THSD7A: variants seen among roughly 807,000 people sequenced by gnomAD.
The protein encoded by THSD7A is thrombospondin type-1 domain-containing protein 7A.
A neutral mutation model predicts 231.3 loss-of-function variants in THSD7A; 96 were observed. The ratio of observed to expected loss-of-function variants is 0.41; its 90% CI spans 0.35 to 0.49. THSD7A has a LOEUF of 0.49. Ranked by LOEUF, THSD7A falls within the 20% of genes least tolerant of loss-of-function variation. The pLI, the probability that THSD7A is intolerant of heterozygous loss-of-function variation, is 0.05. For synonymous variants in THSD7A, 940 were observed against 743.3 expected (o/e 1.26, Z -4.30); for missense variants, 2,290 against 2,070.2 (o/e 1.11, Z -2.06).
intron 4 of THSD7A, among the ~76,000 whole-genome samples, chr7:11,577,763 G>C (rs1297939384): frequency 1.3e-5 from 2 of 151,766 alleles, no homozygotes; most frequent in Non-Finnish European, 2.9e-5. Context: ...GGAACAGCGT[G>C]GCATTCCAAG....
chr7:11,621,915 C>A (rs954288486), intron 2 of THSD7A, among the ~76,000 whole-genome samples: 1 of 152,012 alleles, frequency 6.6e-6, no homozygotes, highest in African/African-American at 2.4e-5. Flanking sequence ...AACTAATTTT[C>A]AAATATGTTT....
At chr7:11,567,762 T>G (rs2128333018) in intron 4 of THSD7A, among the ~76,000 whole-genome samples, 1 of 152,300 alleles carries the variant, frequency 6.6e-6, no homozygotes, top group Admixed American at 6.5e-5. Context: ...TTACCTCAAC[T>G]TGGGATTCAC....
chr7:11,688,483 T>A (rs976748517), intron 1 of THSD7A, among the ~76,000 whole-genome samples: 1 of 151,700 alleles, frequency 6.6e-6, no homozygotes, highest in Non-Finnish European at 1.5e-5. Flanking sequence ...ACATTCAAAA[T>A]GAGATGATGC....
chr7:11,411,789 A>C lies in THSD7A; in HGVS notation c.3683-467T>G, dbSNP rs1262307315. Among the ~76,000 whole-genome samples the C allele has an allele frequency of 6.6e-6, 1 of 152,228 alleles. No homozygotes were observed. The highest frequency in any genetic ancestry group is 1.5e-5 in the Non-Finnish European group (1 of 68,032). ...AGAATGCAAGAAAATGCATACGTTT[A>C]TTAAAGTGATAAAAATCACTTTGGC... On this transcript the variant is annotated intron_variant, in intron 18 of 27. Coordinates refer to ENST00000423059, the MANE Select transcript of THSD7A (RefSeq NM_015204.3). This position sits in a 1 kb window ranked among gnomAD's most constrained non-coding sequence, Gnocchi z 4.1.
chr7:11,551,002 T>C (rs557222653), intron 4 of THSD7A, among the ~76,000 whole-genome samples: 19 of 152,120 alleles, frequency 1.2e-4, no homozygotes, highest in Non-Finnish European at 2.6e-4. Context: ...AACAGACACA[T>C]AAATCAATGG....
chr7:11,404,887 G>C (rs1273461750), intron 22 of THSD7A, among the ~76,000 whole-genome samples: 1 of 152,056 alleles, frequency 6.6e-6, no homozygotes, highest in Non-Finnish European at 1.5e-5. Context: ...CGGATCTCTA[G>C]AACTTATTCA....
chr7:11,550,494 T>C (rs184633145), intron 4 of THSD7A, among the ~76,000 whole-genome samples: 1 of 152,136 alleles, frequency 6.6e-6, no homozygotes, highest in African/African-American at 2.4e-5. Context: ...CCCCATGCTA[T>C]TCTCATGATA....
chr7:11,700,735 G>A (rs1343250555), intron 1 of THSD7A, among the ~76,000 whole-genome samples: 2 of 150,958 alleles, frequency 1.3e-5, no homozygotes, highest in Admixed American at 6.6e-5. Context: ...GTTGAGTTCG[G>A]GAATTTATTG....
At chr7:11,782,831 T>A (rs569429404) in intron 1 of THSD7A, among the ~76,000 whole-genome samples, 2 of 152,206 alleles carry the variant, frequency 1.3e-5, no homozygotes, top group Non-Finnish European at 2.9e-5. Context: ...TATTTTGGAA[T>A]ACTTTGTTAT....
chr7:11,417,722 G>GGGGT, intron 16 of THSD7A, 119 bp from the exon 17 acceptor site: 1 of 993,162 alleles, frequency 1.0e-6, no homozygotes, highest in Non-Finnish European at 1.4e-6. Context: ...CATCGTTATG[G>GGGGT]GGGTGGGGAG....
intron 6 of THSD7A, among the ~76,000 whole-genome samples, chr7:11,494,576 T>C (rs766556444): frequency 2.6e-5 from 4 of 152,052 alleles, no homozygotes; most frequent in Non-Finnish European, 5.9e-5. Flanking sequence ...TACTTATGAA[T>C]AGCTACTGTG....
intron 1 of THSD7A, among the ~76,000 whole-genome samples, chr7:11,658,725 C>A (rs1233066517): frequency 1.3e-5 from 2 of 151,636 alleles, no homozygotes; most frequent in African/African-American, 4.8e-5. Flanking sequence ...TCCAGTCTTA[C>A]GTTATTCGAT....
At chr7:11,577,783 T>C (rs1047439282) in intron 4 of THSD7A, among the ~76,000 whole-genome samples, 1 of 152,082 alleles carries the variant, frequency 6.6e-6, no homozygotes, top group South Asian at 2.1e-4. Flanking sequence ...GTTTGAGCAA[T>C]GGTGAAAGTG....
chr7:11,381,410 G>C (rs1262647834), intron 24 of THSD7A, among the ~76,000 whole-genome samples: 1 of 152,132 alleles, frequency 6.6e-6, no homozygotes, highest in African/African-American at 2.4e-5. Flanking sequence ...GAGGAAATAA[G>C]TAATTGGGTT....
At chr7:11,808,584 G>C (rs149764488) in intron 1 of THSD7A, among the ~76,000 whole-genome samples, 1 of 152,204 alleles carries the variant, frequency 6.6e-6, no homozygotes, top group African/African-American at 2.4e-5. Flanking sequence ...ATATTTAAAA[G>C]ATACTTTTTA....
chr7:11,588,874 A>G (rs974200113), intron 4 of THSD7A, among the ~76,000 whole-genome samples: 1 of 152,222 alleles, frequency 6.6e-6, no homozygotes, highest in Non-Finnish European at 1.5e-5. Flanking sequence ...ACTTCCTTAT[A>G]ACCTCAAGAT....
chr7:11,546,202 G>GCGCACACACACACACACACACA (rs761841418), intron 4 of THSD7A, among the ~76,000 whole-genome samples: 7 of 129,410 alleles, frequency 5.4e-5, no homozygotes, highest in East Asian at 2.3e-4. Flanking sequence ...GTGGGCGCGC[G>GCGCACACACACACACACACACA]CTCACACACA....
intron 1 of THSD7A, among the ~76,000 whole-genome samples, chr7:11,670,729 A>G (rs2128378144): frequency 6.6e-6 from 1 of 152,280 alleles, no homozygotes; most frequent in Non-Finnish European, 1.5e-5. Flanking sequence ...CACATATTTC[A>G]AAGTCTCTAT....
rs34130500 is a variant in THSD7A, at chr7:11,812,105, T to TTG, written c.190+19650_190+19651dup. Among the ~76,000 whole-genome samples, 205 of 133,624 alleles carry TTG rather than the reference T, an allele frequency of 1.5e-3. 1 individual carries two copies. Among genetic ancestry groups the TTG allele is most frequent in the East Asian group, 4.1e-3 (19 of 4,686 alleles). The allele number at this position is 133,624 out of a possible 152,430, so 87.7% of individuals were successfully genotyped here. A position where few individuals can be genotyped will look rare whatever the true frequency, so the allele number is the denominator to read the frequency against. ...GACTATAAAGGAGAAGAAAAGAAAA[T>TTG]TGTGTGTGTGTGTGTGTGTGTGTGT... On this transcript the variant is annotated intron_variant, in intron 1 of 27. Transcript: ENST00000423059.
Sources: allele counts gnomAD v4.1 joint callset (sites outside exome capture counted in the v4.1 genomes callset), GRCh38; gene constraint gnomAD v4.1.1; non-coding constraint Gnocchi (gnomAD v3.1); transcripts MANE v1.5; gene names NCBI Gene and HGNC (gene_info 2026-07-23, HGNC 2026-07-21).